PRTN3: variants seen among roughly 807,000 people sequenced by gnomAD.
The protein encoded by PRTN3 is proteinase 3, also known as myeloblastin.
In PRTN3, 22 loss-of-function variants were observed where a neutral mutation model predicts 20.7. The observed-to-expected ratio is 1.06, with a 90% confidence interval of 0.76 to 1.52. PRTN3 has a LOEUF of 1.52. Ranked by LOEUF, PRTN3 falls within the 40% of genes most tolerant of loss-of-function variation. The pLI, the probability that PRTN3 is intolerant of heterozygous loss-of-function variation, is 0.00. For synonymous variants in PRTN3, 173 were observed against 152.9 expected (o/e 1.13, Z -0.97); for missense variants, 378 against 359.6 (o/e 1.05, Z -0.41).
At chr19:843,817 G>A (rs1401918420) in intron 2 of PRTN3, 76 bp from the exon 3 acceptor site, 3 of 1,500,256 alleles carry the variant, frequency 2.0e-6, no homozygotes, top group South Asian at 1.3e-5. Flanking sequence ...GGGCTGCACC[G>A]CGGCCTCGGG....
chr19:846,230 G>C lies in PRTN3; in HGVS notation c.453G>C (p.Gln151His), dbSNP rs776238964. The change falls in exon 4 of 5, where the codon CAG becomes CAC. Residue 151 changes from glutamine to histidine, a missense_variant. Coordinates refer to ENST00000234347, the MANE Select transcript of PRTN3 (RefSeq NM_002777.4). ...ACCAGCCAGTGCCCCACGGCACCCA[G>C]TGCCTGGCCATGGGCTGGGGCCGCG... ...QQDQPVPHGT[Q>H]CLAMGWGRVG... 6.4e-7 allele frequency: 1 copy of C among 1,552,782 alleles called. No homozygotes were observed. Among genetic ancestry groups the C allele is most frequent in the East Asian group, 2.4e-5 (1 of 41,112 alleles).
chr19:843,754 C>A, intron 2 of PRTN3, 128 bp downstream of exon 2: 1 of 1,448,378 alleles, frequency 6.9e-7, no homozygotes, highest in South Asian at 1.4e-5. Flanking sequence ...GCCCCGCGCG[C>A]GTGGGCAGTT....
chr19:841,500 G>A (rs1258021343), intron 1 of PRTN3, among the ~76,000 whole-genome samples: 1 of 148,744 alleles, frequency 6.7e-6, no homozygotes, highest in Non-Finnish European at 1.5e-5. Context: ...GAGTGAATGA[G>A]TGAATGAGTG....
chr19:844,020 G>A lies in PRTN3; in HGVS notation c.355G>A (p.Val119Ile), dbSNP rs351111. Residue 119 changes from valine (V) to isoleucine (I), a missense_variant, in exon 3 of 5, where the codon GTT becomes ATT. By Grantham distance (29) the Val-to-Ile change is conservative (BLOSUM62 3). Transcript: ENST00000234347. ...CGACGCGGAGAACAAACTGAACGAC[G>A]TTCTCCTCATCCAGGTGGGCGGGCA... ...NYDAENKLND[V>I]LLIQLSSPAN... The A allele has an allele frequency of 0.43, 683,053 of 1,603,122 alleles. 147,291 individuals are homozygous for A. The highest frequency in any genetic ancestry group is 0.57 in the Admixed American group (33,545 of 58,680).
chr19:841,772 G>C (rs2035444291), intron 1 of PRTN3, among the ~76,000 whole-genome samples: 1 of 131,414 alleles, frequency 7.6e-6, no homozygotes, highest in Non-Finnish European at 1.6e-5. Context: ...CTGTCGCCCA[G>C]GCTGGAGTGC....
intron 1 of PRTN3, among the ~76,000 whole-genome samples, chr19:842,413 A>AT (rs34047197): frequency 0.047 from 1,835 of 39,338 alleles, 293 homozygotes; most frequent in African/African-American, 0.08. Flanking sequence ...TGCGCCCAGG[A>AT]TTTTTTTTTT....
At position 847,490 on chromosome 19, in the gene PRTN3, T is replaced by G. The variant is rs564627396; in HGVS notation, c.601-309T>G. ...ACAAAAGGAGAAAGAAAGAAAGAGA[T>G]AGAGAGAGAAAGAAAGAAGAAAGAA... On this transcript the variant is annotated intron_variant, in intron 4 of 4. Coordinates refer to ENST00000234347, the MANE Select transcript of PRTN3 (RefSeq NM_002777.4). Among the ~76,000 whole-genome samples the G allele has an allele frequency of 1.9e-4, 16 of 83,214 alleles. No homozygotes were observed. In the East Asian group the frequency reaches 2.2e-3, roughly 12 times the overall value. 54.6% of individuals were successfully genotyped at this position (83,214 alleles called of 152,430 possible).
chr19:843,728 C>G (rs1252838645), intron 2 of PRTN3, 102 bp downstream of exon 2: 20 of 1,468,940 alleles, frequency 1.4e-5, no homozygotes, highest in Non-Finnish European at 1.7e-5. Flanking sequence ...AGCTAAGCCC[C>G]GTCTGCAGAC....
chr19:848,021 C>G lies in PRTN3; in HGVS notation c.*52C>G, dbSNP rs367844365. On this transcript the variant is annotated 3_prime_UTR_variant, in exon 5 of 5. Coordinates refer to ENST00000234347, the MANE Select transcript of PRTN3 (RefSeq NM_002777.4). Reference sequence around the variant, plus strand: ...GACCCCGAGCCTGGCTCCAAACCCTCGAGGCGGATCTTTGGACAGAAGCAG... The same window carrying G: ...GACCCCGAGCCTGGCTCCAAACCCTGGAGGCGGATCTTTGGACAGAAGCAG... 3.9e-6 allele frequency: 6 copies of G among 1,540,602 alleles called. No individual in the cohort carries two copies. The Admixed American group carries it at 7.7e-5, about 20-fold the overall frequency.
At position 842,413 on chromosome 19, in the gene PRTN3, A is replaced by ATTTTTTTTTTTTTTTTTTTTTTTTT. The variant is rs34047197; in HGVS notation, c.62-1024_62-1023insTTTTTTTTTTTTTTTTTTTTTTTTT. Among the ~76,000 whole-genome samples the ATTTTTTTTTTTTTTTTTTTTTTTTT allele has an allele frequency of 1.5e-4, 6 of 39,420 alleles. 1 individual carries two copies. The highest frequency in any genetic ancestry group is 7.4e-4 in the African/African-American group (5 of 6,792). The allele number at this position is 39,420 out of a possible 152,430, so 25.9% of individuals were successfully genotyped here. A position where few individuals can be genotyped will look rare whatever the true frequency, so the allele number is the denominator to read the frequency against. ...TCAGGCATGAGCCACTGCGCCCAGG[A>ATTTTTTTTTTTTTTTTTTTTTTTTT]TTTTTTTTTTTTTTTTTTTTTTTTG... On this transcript the variant is annotated intron_variant, in intron 1 of 4. Transcript: ENST00000234347.
intron 3 of PRTN3, among the ~76,000 whole-genome samples, chr19:844,365 CTGCATGCCTCTCCCT>C: frequency 9.7e-6 from 1 of 103,220 alleles, no homozygotes; most frequent in South Asian, 3.8e-4. Flanking sequence ...CGCCTCTCCC[CTGCATGCCTCTCCCT>C]TGCCCGCCCC....
At position 846,269 on chromosome 19, in the gene PRTN3, C is replaced by T. The variant is rs376781226; in HGVS notation, c.492C>T (p.Asp164=). 3.5e-5 allele frequency: 55 copies of T among 1,577,356 alleles called. No homozygotes were observed. The highest frequency in any genetic ancestry group is 4.6e-5 in the Non-Finnish European group (54 of 1,162,648). The stretch of plus-strand genomic sequence containing the variant: ...GCTGGGGCCGCGTGGGTGCCCACGA[C>T]CCCCCAGCCCAGGTCCTGCAGGAGC... ...AMGWGRVGAH[D]PPAQVLQELN... is the part of the protein sequence containing the mutation. The change falls in exon 4 of 5, where the codon GAC becomes GAT. Residue 164 remains aspartate, a synonymous_variant. Coordinates refer to ENST00000234347, the MANE Select transcript of PRTN3 (RefSeq NM_002777.4).
Position 846,377 on chromosome 19 carries a change from CGTAA to C in PRTN3, c.600+5_600+8del, listed in dbSNP as rs1568300544. The C allele has an allele frequency of 1.3e-6, 2 of 1,550,544 alleles. No individual in the cohort carries two copies. Among genetic ancestry groups the C allele is most frequent in the South Asian group, 1.2e-5 (1 of 83,742 alleles). The stretch of plus-strand genomic sequence containing the variant: ...CTCGCCGCAAGGCCGGCATCTGCTT[CGTAA>C]GTAACCGTGCCCCCACCCCGGGCAC... On this transcript the variant is annotated splice_donor_variant and splice_donor_region_variant and intron_variant, in intron 4 of 4. Transcript: ENST00000234347. LOFTEE classifies it high-confidence loss of function.
In PRTN3 at chr19:843,885, C is replaced by A. The variant is rs777596342; in HGVS notation, c.228-8C>A. 6.3e-7 allele frequency: 1 copy of A among 1,581,426 alleles called. No homozygotes were observed. Among genetic ancestry groups the A allele is most frequent in the Non-Finnish European group, 8.6e-7 (1 of 1,165,586 alleles). On this transcript the variant is annotated splice_region_variant and splice_polypyrimidine_tract_variant and intron_variant, in intron 2 of 4. Transcript: ENST00000234347. ...GGGCGCCGAGGAGTGACCACCCCAC[C>A]CCCGCAGACCCCAGCGCCTGGTGAA...
chr19:843,428 G>A, intron 1 of PRTN3, 33 bp from the exon 2 acceptor site: 2 of 1,518,502 alleles, frequency 1.3e-6, no homozygotes, highest in Non-Finnish European at 1.8e-6. Context: ...TGCAGCCTGG[G>A]GGCTCCCTGA....
Position 844,747 on chromosome 19 carries a change from G to C in PRTN3, c.369+713G>C, listed in dbSNP as rs1264228246. The stretch of plus-strand genomic sequence containing the variant: ...TCCCCAGGGCAGAGGATTTTTGTCT[G>C]TGTTGTTCGTTATTGGACTCATGTG... On this transcript the variant is annotated intron_variant, in intron 3 of 4. Transcript: ENST00000234347. Among the ~76,000 whole-genome samples, 2 of 151,344 alleles carry C rather than the reference G, an allele frequency of 1.3e-5. 1 individual carries two copies. The highest frequency in any genetic ancestry group is 1.3e-4 in the Admixed American group (2 of 15,152).
In PRTN3 at chr19:843,501, G is replaced by A. The variant is rs1184783775; in HGVS notation, c.102G>A (p.Ala34=). 2 of 1,584,388 alleles carry A rather than the reference G, an allele frequency of 1.3e-6. No individual in the cohort carries two copies. The highest frequency in any genetic ancestry group is 1.7e-6 in the Non-Finnish European group (2 of 1,168,962). ...CGGAGATCGTGGGCGGGCACGAGGC[G>A]CAGCCACACTCCCGGCCCTACATGG... is the stretch of plus-strand genomic sequence containing the variant. ...RAAEIVGGHE[A]QPHSRPYMAS... is the part of the protein sequence containing the mutation. Residue 34 remains alanine, a synonymous_variant, in exon 2 of 5, where the codon GCG becomes GCA. Transcript: ENST00000234347.
At position 843,935 on chromosome 19, in the gene PRTN3, G is replaced by A. The variant is rs1195968868; in HGVS notation, c.270G>A (p.Val90=). The A allele has an allele frequency of 2.9e-5, 46 of 1,599,346 alleles. No individual in the cohort carries two copies. Among genetic ancestry groups the A allele is most frequent in the Non-Finnish European group, 3.8e-5 (45 of 1,174,012 alleles). ...ACGTGGTGCTCGGAGCCCACAACGT[G>A]CGGACGCAGGAGCCCACCCAGCAGC... ...LVNVVLGAHN[V]RTQEPTQQHF... Residue 90 remains valine, a synonymous_variant, in exon 3 of 5, where the codon GTG becomes GTA. Coordinates refer to ENST00000234347, the MANE Select transcript of PRTN3 (RefSeq NM_002777.4).
chr19:846,605 C>G (rs2035520418), intron 4 of PRTN3, among the ~76,000 whole-genome samples: 1 of 152,178 alleles, frequency 6.6e-6, no homozygotes, highest in Admixed American at 6.5e-5. Flanking sequence ...CCCCCACTCC[C>G]CTCTAGGACC....
Sources: allele counts gnomAD v4.1 joint callset (sites outside exome capture counted in the v4.1 genomes callset), GRCh38; gene constraint gnomAD v4.1.1; transcripts MANE v1.5; gene names NCBI Gene and HGNC (gene_info 2026-07-23, HGNC 2026-07-21).